The following EP300 variants were observed in gnomAD, a reference collection of about 807,000 sequenced individuals.
EP300 encodes EP300 lysine acetyltransferase, also known as histone acetyltransferase p300.
EP300 carries 31 observed loss-of-function variants against 264.0 expected under a neutral mutation model. The observed-to-expected ratio is 0.12, with a 90% CI of 0.09 to 0.16. The LOEUF (loss-of-function observed/expected upper bound fraction) is 0.16. EP300 is among the 10% of genes least tolerant of loss of function. The pLI, the probability that EP300 is intolerant of heterozygous loss-of-function variation, is 1.00. For synonymous variants in EP300, 1,340 were observed against 1,045.4 expected, an observed-to-expected ratio of 1.28 and a Z score of -5.44; for missense variants, 2,766 against 3,052.9, an observed-to-expected ratio of 0.91 and a Z score of 2.21.
intron 27 of EP300, among the ~76,000 whole-genome samples, chr22:41,171,321 G>A (rs1416802586): frequency 1.3e-5 from 2 of 151,720 alleles, no homozygotes; most frequent in African/African-American, 4.8e-5. Flanking sequence ...GGTTTGGGTT[G>A]GTTAGGGTTT....
rs569450790 is a variant in EP300, at chr22:41,117,627, G to T, written c.535G>T (p.Ala179Ser). The stretch of plus-strand genomic sequence containing the variant: ...TGCGGGCATGAATCCTGGAATGTTG[G>T]CTGCAGGCAATGGACAAGGGATAAT... The part of the protein sequence containing the change: ...MNAGMNPGML[A>S]AGNGQGIMPN... Residue 179 changes from alanine (A) to serine (S), a missense_variant, in exon 2 of 31, where the codon GCT becomes TCT. By Grantham distance (99) the Ala-to-Ser change is moderately conservative. Transcript: ENST00000263253. 6.2e-7 allele frequency: 1 copy of T among 1,614,168 alleles called. No homozygotes were observed. The highest frequency in any genetic ancestry group is 1.7e-5 in the Admixed American group (1 of 60,012).
rs1305468663 is a variant in EP300, at chr22:41,117,297, G to T, written c.205G>T (p.Gly69Cys). 1 of 1,614,140 alleles carries T rather than the reference G, an allele frequency of 6.2e-7. No individual in the cohort carries two copies. The highest frequency in any genetic ancestry group is 8.5e-7 in the Non-Finnish European group (1 of 1,180,034). ...TATTAATCAGCTTCAGACAAGTCTT[G>T]GCATGGTACAAGATGCAGCTTCTAA... ...GDINQLQTSLGMVQDAASKHK... is the reference protein window; with the variant it reads ...GDINQLQTSLCMVQDAASKHK... Residue 69 changes from glycine to cysteine, a missense_variant, in exon 2 of 31, where the codon GGC (glycine) becomes TGC (cysteine). By Grantham distance (159) the Gly-to-Cys change is radical (BLOSUM62 -3). Coordinates refer to ENST00000263253, the MANE Select transcript of EP300 (RefSeq NM_001429.4).
In EP300 at chr22:41,164,149, A is replaced by T. The variant is rs2059122703; in HGVS notation, c.3806+19A>T. ...CTGCTGGGTAAGTCTTAACGTTGTTACTTTCTCTGGAATTTTTCTTTATCG... is the reference window on the plus strand; with the variant it reads ...CTGCTGGGTAAGTCTTAACGTTGTTTCTTTCTCTGGAATTTTTCTTTATCG... On this transcript the variant is annotated intron_variant, in intron 22 of 30. Coordinates refer to ENST00000263253, the MANE Select transcript of EP300 (RefSeq NM_001429.4). 6.2e-7 allele frequency: 1 copy of T among 1,611,160 alleles called. No homozygotes were observed. Among genetic ancestry groups the T allele is most frequent in the East Asian group, 2.2e-5 (1 of 44,822 alleles).
chr22:41,095,232 ATTTTTTTTT>A (rs66515117), intron 1 of EP300, among the ~76,000 whole-genome samples: 4 of 80,246 alleles, frequency 5.0e-5, no homozygotes, highest in East Asian at 3.5e-4. Context: ...TACCATTGTA[ATTTTTTTTT>A]TTTTTTTTTT....
chr22:41,162,293 T>C (rs945495567), intron 20 of EP300, among the ~76,000 whole-genome samples: 4 of 152,200 alleles, frequency 2.6e-5, no homozygotes, highest in African/African-American at 9.7e-5. Flanking sequence ...GAAGTCCAAG[T>C]TGGTCCCCCT....
intron 16 of EP300, among the ~76,000 whole-genome samples, chr22:41,153,937 T>G (rs1306412820): frequency 6.6e-6 from 1 of 152,160 alleles, no homozygotes; most frequent in African/African-American, 2.4e-5. Context: ...AAATTTTTTT[T>G]GCCAATTAAG....
chr22:41,127,127 T>TC (rs2058887366), intron 3 of EP300, among the ~76,000 whole-genome samples: 1 of 152,150 alleles, frequency 6.6e-6, no homozygotes, highest in African/African-American at 2.4e-5. Flanking sequence ...GAAAGACCCC[T>TC]CTGCTGAGTC....
Position 41,158,314 on chromosome 22 carries a change from C to G in EP300, c.3502-98C>G, listed in dbSNP as rs894288439. ...CCATCATTATTAACATAAATGAGAA[C>G]TAAGACACCACTGACTTCTGTTTCT... On this transcript the variant is annotated intron_variant, in intron 18 of 30. Transcript: ENST00000263253. 4 of 887,488 alleles carry G rather than the reference C, an allele frequency of 4.5e-6. No individual in the cohort carries two copies. The African/African-American group carries it at 6.6e-5, about 15-fold the overall frequency. The allele number at this position is 887,488 out of a possible 1,614,324, so 55.0% of individuals were successfully genotyped here. A position where few individuals can be genotyped will look rare whatever the true frequency, so the allele number is the denominator to read the frequency against.
intron 1 of EP300, among the ~76,000 whole-genome samples, chr22:41,097,182 A>G (rs926050284): frequency 6.6e-6 from 1 of 152,224 alleles, no homozygotes; most frequent in Admixed American, 6.5e-5. Context: ...ATTATTCTCA[A>G]GGCCTTGTAA....
intron 8 of EP300, among the ~76,000 whole-genome samples, chr22:41,139,445 T>C (rs1260274816): frequency 6.6e-6 from 1 of 152,226 alleles, no homozygotes; most frequent in Non-Finnish European, 1.5e-5. Context: ...AAAAGTTTAT[T>C]ATATATGCTC....
At chr22:41,151,792 T>A (rs1459021389) in intron 14 of EP300, 41 bp from the exon 15 acceptor site, 2 of 1,599,086 alleles carry the variant, frequency 1.3e-6, no homozygotes, top group African/African-American at 2.7e-5. Flanking sequence ...GTTGGCAGAC[T>A]CTGCGTGTGT....
At chr22:41,164,557 C>T (rs977012276) in intron 22 of EP300, among the ~76,000 whole-genome samples, 3 of 151,998 alleles carry the variant, frequency 2.0e-5, no homozygotes. Context: ...ACTGAAAATA[C>T]AAAAATTAGC....
chr22:41,131,199 A>G (rs2058917261), intron 5 of EP300, among the ~76,000 whole-genome samples, 189 bp from the exon 6 acceptor site: 1 of 152,186 alleles, frequency 6.6e-6, no homozygotes, highest in South Asian at 2.1e-4. Flanking sequence ...CTTTTATACC[A>G]GTGGTCCCCT....
Position 41,178,483 on chromosome 22 carries a change from C to A in EP300, c.6772C>A (p.Gln2258Lys). The change falls in exon 31 of 31, where the codon CAG becomes AAG. Residue 2258 changes from glutamine to lysine, a missense_variant. Gln to Lys is a moderately conservative substitution (Grantham distance 53). Transcript: ENST00000263253. ...GGGAGCAGAGGCAGGTGCCAGTCTACAGGCCTATCAGCAGCGACTCCTTCA... is the reference window on the plus strand; with the variant it reads ...GGGAGCAGAGGCAGGTGCCAGTCTAAAGGCCTATCAGCAGCGACTCCTTCA... ...ALGAEAGASLQAYQQRLLQQQ... is the reference protein window; with the variant it reads ...ALGAEAGASLKAYQQRLLQQQ... 1 of 1,614,114 alleles carries A rather than the reference C, an allele frequency of 6.2e-7. No individual in the cohort carries two copies. Among genetic ancestry groups the A allele is most frequent in the Non-Finnish European group, 8.5e-7 (1 of 1,180,020 alleles).
In EP300 at chr22:41,172,264, A is replaced by T. The variant is rs142836068; in HGVS notation, c.4453-235A>T. The stretch of plus-strand genomic sequence containing the variant: ...CCACTTGGTTATATAAAGGCAGATA[A>T]GCTCCCTGTTTTTGTGGGTAGAAGA... On this transcript the variant is annotated intron_variant, in intron 27 of 30. Coordinates refer to ENST00000263253, the MANE Select transcript of EP300 (RefSeq NM_001429.4). Among the ~76,000 whole-genome samples, 966 of 152,332 alleles carry T rather than the reference A, an allele frequency of 6.3e-3. 6 individuals carry two copies. The highest frequency in any genetic ancestry group is 0.014 in the Admixed American group (219 of 15,306).
At chr22:41,149,309 T>C (rs2059029677) in intron 13 of EP300, 134 bp downstream of exon 13, 3 of 1,026,012 alleles carry the variant, frequency 2.9e-6, no homozygotes, top group African/African-American at 1.6e-5. Context: ...AATTTTGGAC[T>C]TAGGGTATTC....
At chr22:41,132,029 CTA>C (rs1385540355) in intron 6 of EP300, among the ~76,000 whole-genome samples, 1 of 151,878 alleles carries the variant, frequency 6.6e-6, no homozygotes, top group African/African-American at 2.4e-5. Context: ...AACCCCGTCT[CTA>C]CTAAAAATAC....
At chr22:41,095,821 A>G (rs952049686) in intron 1 of EP300, among the ~76,000 whole-genome samples, 4 of 152,194 alleles carry the variant, frequency 2.6e-5, no homozygotes, top group Non-Finnish European at 5.9e-5. Flanking sequence ...TATATCCACC[A>G]AGAGCGTTCT....
intron 1 of EP300, among the ~76,000 whole-genome samples, chr22:41,101,729 A>G (rs913577780): frequency 2.0e-5 from 3 of 152,082 alleles, no homozygotes; most frequent in Non-Finnish European, 2.9e-5. Flanking sequence ...CTTAAAGAAT[A>G]AATTTTCTTG....
Sources: allele counts gnomAD v4.1 joint callset (sites outside exome capture counted in the v4.1 genomes callset), GRCh38; gene constraint gnomAD v4.1.1; transcripts MANE v1.5; gene names NCBI Gene and HGNC (gene_info 2026-07-23, HGNC 2026-07-21).